Variants in SORCS2 observed in about 807,000 individuals in gnomAD.
SORCS2 encodes the protein VPS10 domain-containing receptor SorCS2.
A neutral mutation model predicts 141.6 loss-of-function variants in SORCS2; 100 were observed. That is an observed-to-expected ratio of 0.71 (90% CI 0.60 to 0.83). The LOEUF (loss-of-function observed/expected upper bound fraction) is 0.83, where lower values mean the gene tolerates loss of function less well. Ranked by LOEUF, SORCS2 falls within the 40% of genes least tolerant of loss-of-function variation. SORCS2 has a pLI of 0.00. For missense variants in SORCS2, 1,646 were observed against 1,560.2 expected, an observed-to-expected ratio of 1.05 and a Z score of -0.93; for synonymous variants, 789 against 676.9, an observed-to-expected ratio of 1.17 and a Z score of -2.57.
At chr4:7,239,841 T>C (rs905748371) in intron 1 of SORCS2, among the ~76,000 whole-genome samples, 1 of 152,218 alleles carries the variant, frequency 6.6e-6, no homozygotes, top group African/African-American at 2.4e-5. Flanking sequence ...AGCCCAAGAA[T>C]TTGTCAATGA....
intron 1 of SORCS2, among the ~76,000 whole-genome samples, chr4:7,351,970 G>A (rs955572718): frequency 2.0e-5 from 3 of 151,764 alleles, no homozygotes; most frequent in East Asian, 1.9e-4. Context: ...CTACTCCCTC[G>A]CCTGTCCATC....
chr4:7,462,087 T>TGCCCAGAGAGCC (rs1245534035), intron 2 of SORCS2, among the ~76,000 whole-genome samples: 3 of 152,220 alleles, frequency 2.0e-5, no homozygotes, highest in Non-Finnish European at 4.4e-5. Flanking sequence ...AGGGAGAGGA[T>TGCCCAGAGAGCC]GCCCAGAGAG....
At chr4:7,397,793 G>A (rs183363934) in intron 2 of SORCS2, among the ~76,000 whole-genome samples, 4 of 152,314 alleles carry the variant, frequency 2.6e-5, no homozygotes, top group Non-Finnish European at 4.4e-5. Flanking sequence ...CAGGGAGGGC[G>A]CCTTCACTGC....
rs112732321 is a variant in SORCS2 at position 7,374,195 on chromosome 4, CT to C, written c.481-22087del. 2.6e-3 allele frequency among the ~76,000 whole-genome samples: 367 copies of C among 138,754 alleles called. 3 individuals carry two copies. The highest frequency in any genetic ancestry group is 9.4e-3 in the African/African-American group (348 of 37,044). The allele number at this position is 138,754 out of a possible 152,430, so 91.0% of individuals were successfully genotyped here. On this transcript the variant is annotated intron_variant, in intron 1 of 26. Transcript: ENST00000507866. The stretch of plus-strand genomic sequence containing the variant: ...TCTTTCTTTCTTTCTTTCTTTCTTT[CT>C]TTTTTGCAGAGAGACGTTCAATTGA...
chr4:7,359,016 T>G (rs981488725), intron 1 of SORCS2, among the ~76,000 whole-genome samples: 5 of 152,062 alleles, frequency 3.3e-5, no homozygotes, highest in Non-Finnish European at 7.4e-5. Context: ...TCAAAAAAAT[T>G]TTGTGGCCAG....
chr4:7,595,362 C>T (rs752358609), intron 3 of SORCS2, among the ~76,000 whole-genome samples: 2 of 152,134 alleles, frequency 1.3e-5, no homozygotes, highest in African/African-American at 2.4e-5. Flanking sequence ...GGCTTCATTA[C>T]GTAGGCACGG....
chr4:7,200,986 C>T lies in SORCS2; in HGVS notation c.480+7860C>T, dbSNP rs532555369. Among the ~76,000 whole-genome samples, 8 of 152,302 alleles carry T rather than the reference C, an allele frequency of 5.3e-5. No individual in the cohort carries two copies. In the East Asian group the frequency reaches 7.7e-4, roughly 15 times the overall value. Reference sequence around the variant, plus strand: ...TTACCGAGCTTCTCTGTGTGCCTAGCGCTGTTAGCTGCTGAGGATTCAGTG... The same window carrying T: ...TTACCGAGCTTCTCTGTGTGCCTAGTGCTGTTAGCTGCTGAGGATTCAGTG... On this transcript the variant is annotated intron_variant, in intron 1 of 26. Coordinates refer to ENST00000507866, the MANE Select transcript of SORCS2 (RefSeq NM_020777.3).
chr4:7,402,940 C>G (rs544566604), intron 2 of SORCS2, among the ~76,000 whole-genome samples: 2 of 152,184 alleles, frequency 1.3e-5, no homozygotes, highest in East Asian at 1.9e-4. Flanking sequence ...TACCTCTCTA[C>G]TCTAAAAAGC....
chr4:7,494,877 G>T (rs189317603), intron 2 of SORCS2, among the ~76,000 whole-genome samples: 1 of 152,216 alleles, frequency 6.6e-6, no homozygotes, highest in African/African-American at 2.4e-5. Flanking sequence ...CGTCTCTGCC[G>T]CTCTGAACTG....
Position 7,676,818 on chromosome 4 carries a change from T to C in SORCS2, c.1341+589T>C, listed in dbSNP as rs1041273314. 1.6e-3 allele frequency among the ~76,000 whole-genome samples: 126 copies of C among 79,614 alleles called. 2 individuals are homozygous for C. The highest frequency in any genetic ancestry group is 2.4e-3 in the African/African-American group (51 of 21,074). The allele number at this position is 79,614 out of a possible 152,430, so 52.2% of individuals were successfully genotyped here. On this transcript the variant is annotated intron_variant, in intron 9 of 26. Coordinates refer to ENST00000507866, the MANE Select transcript of SORCS2 (RefSeq NM_020777.3). ...CTGCCTTTCTGTCTCTCTCTCTCTC[T>C]CTCTCTCTCTCCCTCTCTCCACCCC... is the stretch of plus-strand genomic sequence containing the variant.
At chr4:7,392,011 C>T (rs1222288415) in intron 1 of SORCS2, among the ~76,000 whole-genome samples, 1 of 152,180 alleles carries the variant, frequency 6.6e-6, no homozygotes, top group African/African-American at 2.4e-5. Context: ...CAGGGTTCAG[C>T]ACAAAGTGAA....
At chr4:7,676,351 C>A in intron 9 of SORCS2, 122 bp downstream of exon 9, 1 of 1,077,046 alleles carries the variant, frequency 9.3e-7, no homozygotes, top group Non-Finnish European at 1.3e-6. Context: ...AGGGTCTGCA[C>A]ACATCTTCTG....
At chr4:7,366,137 C>T (rs1721869964) in intron 1 of SORCS2, among the ~76,000 whole-genome samples, 1 of 152,224 alleles carries the variant, frequency 6.6e-6, no homozygotes, top group Non-Finnish European at 1.5e-5. Flanking sequence ...CCGCACATCC[C>T]TGCCACCCTC....
intron 2 of SORCS2, among the ~76,000 whole-genome samples, chr4:7,525,872 T>TCACCTGTCCCCTCCTCAGC (rs1733651474): frequency 1.1e-5 from 1 of 94,786 alleles, no homozygotes; most frequent in Non-Finnish European, 2.1e-5. Context: ...CCCTCCTCAG[T>TCACCTGTCCCCTCCTCAGC]CACCTGTCCC....
intron 1 of SORCS2, among the ~76,000 whole-genome samples, chr4:7,382,822 C>A (rs1029199235): frequency 6.6e-6 from 1 of 152,206 alleles, no homozygotes; most frequent in Non-Finnish European, 1.5e-5. Context: ...GTGTAAACAG[C>A]TGCGGGGCCC....
intron 2 of SORCS2, among the ~76,000 whole-genome samples, chr4:7,496,864 T>A (rs925176432): frequency 1.6e-4 from 25 of 152,286 alleles, no homozygotes; most frequent in African/African-American, 5.3e-4. Context: ...ACAACTCAGC[T>A]TATCAAAGAA....
At chr4:7,338,083 G>A (rs576347028) in intron 1 of SORCS2, among the ~76,000 whole-genome samples, 1 of 139,192 alleles carries the variant, frequency 7.2e-6, no homozygotes, top group African/African-American at 2.8e-5. Flanking sequence ...GATGTTGGCT[G>A]GCTGGCTGGA....
At chr4:7,737,204 G>T (rs1457369149) in intron 26 of SORCS2, 32 bp downstream of exon 26, 3 of 1,549,574 alleles carry the variant, frequency 1.9e-6, no homozygotes, top group African/African-American at 2.7e-5. Flanking sequence ...ATCTCGACTC[G>T]CAGACTCTAG....
At chr4:7,283,052 C>T (rs1325141104) in intron 1 of SORCS2, among the ~76,000 whole-genome samples, 3 of 152,202 alleles carry the variant, frequency 2.0e-5, no homozygotes, top group Non-Finnish European at 4.4e-5. Flanking sequence ...TTCACTCATT[C>T]ATTCACCCAT....
Sources: allele counts gnomAD v4.1 joint callset (sites outside exome capture counted in the v4.1 genomes callset), GRCh38; gene constraint gnomAD v4.1.1; transcripts MANE v1.5; gene names NCBI Gene and HGNC (gene_info 2026-07-23, HGNC 2026-07-21).